The following NAV2 variants were observed in gnomAD, a reference collection of about 807,000 sequenced individuals.
The protein encoded by NAV2 is helicase, APC down-regulated 1.
In NAV2, 54 loss-of-function variants were observed where a neutral mutation model predicts 223.2. That is an observed-to-expected ratio of 0.24 (90% CI 0.19 to 0.30). The LOEUF (loss-of-function observed/expected upper bound fraction) is 0.30, where lower values mean the gene tolerates loss of function less well. NAV2 is among the 10% of genes least tolerant of loss of function. The pLI, the probability that NAV2 is intolerant of heterozygous loss-of-function variation, is 1.00. For missense variants in NAV2, 2,806 were observed against 3,147.5 expected, an observed-to-expected ratio of 0.89 and a Z score of 2.60; for synonymous variants, 1,279 against 1,239.3, an observed-to-expected ratio of 1.03 and a Z score of -0.67.
Position 19,384,980 on chromosome 11 carries a change from C to T in NAV2, c.75+33953C>T, listed in dbSNP as rs193276611. On this transcript the variant is annotated intron_variant, in intron 1 of 37. Transcript: ENST00000360655. ...CACATCCAGAATATATAAAGATTTC[C>T]TAGAAATGCGCAATAAAAAGACAAC... 3 of 152,130 alleles carry T rather than the reference C, an allele frequency of 2.0e-5. No homozygotes were observed. The East Asian group carries it at 5.8e-4, about 29-fold the overall frequency. 9.4% of individuals were successfully genotyped at this position (152,130 alleles called of 1,614,324 possible). A position where few individuals can be genotyped will look rare whatever the true frequency, so the allele number is the denominator to read the frequency against.
intron 1 of NAV2, among the ~76,000 whole-genome samples, chr11:19,544,088 G>A (rs55997720): frequency 0.1 from 15,760 of 152,228 alleles, 1,068 homozygotes; most frequent in African/African-American, 0.19. Flanking sequence ...TCTCAATACT[G>A]TGCCTGGCAC....
intron 16 of NAV2, among the ~76,000 whole-genome samples, 193 bp from the exon 17 acceptor site, chr11:20,051,096 C>T (rs1218283220): frequency 6.6e-6 from 1 of 152,174 alleles, no homozygotes; most frequent in Non-Finnish European, 1.5e-5. Context: ...GGTGTCAGCT[C>T]AGGCTGAGGA....
chr11:19,417,480 C>A (rs982289238), intron 1 of NAV2, among the ~76,000 whole-genome samples: 1 of 152,170 alleles, frequency 6.6e-6, no homozygotes, highest in Non-Finnish European at 1.5e-5. Flanking sequence ...AATAGGAACA[C>A]TTTTACACTG....
chr11:19,680,410 T>A (rs989731445), intron 1 of NAV2, among the ~76,000 whole-genome samples: 1 of 151,790 alleles, frequency 6.6e-6, no homozygotes, highest in East Asian at 1.9e-4. Context: ...CTGTTTATTG[T>A]TTTTAAGGGT....
At chr11:20,026,274 C>T (rs1194686199) in intron 11 of NAV2, among the ~76,000 whole-genome samples, 1 of 152,092 alleles carries the variant, frequency 6.6e-6, no homozygotes, top group African/African-American at 2.4e-5. Flanking sequence ...AGTCCAGAGA[C>T]AGGTGGCTTG....
intron 11 of NAV2, among the ~76,000 whole-genome samples, chr11:19,984,873 G>A (rs17614027): frequency 0.079 from 11,998 of 152,280 alleles, 511 homozygotes; most frequent in Middle Eastern, 0.092. Context: ...CTGACAAACT[G>A]ATTCTATGAC....
rs1339111581 is a variant in NAV2, at chr11:19,776,240, T to C, written c.268-56244T>C. 3.3e-5 allele frequency among the ~76,000 whole-genome samples: 5 copies of C among 152,160 alleles called. 1 individual carries two copies. The East Asian group carries it at 9.7e-4, about 29-fold the overall frequency. ...GGGGAGCTGAAGGATTCTTGAGCCTTTTCAGGATACCGAAAGTTGCTGGGG... is the reference window on the plus strand; with the variant it reads ...GGGGAGCTGAAGGATTCTTGAGCCTCTTCAGGATACCGAAAGTTGCTGGGG... On this transcript the variant is annotated intron_variant, in intron 1 of 37. Transcript: ENST00000349880.
At chr11:19,498,740 T>A (rs2042875870) in intron 1 of NAV2, among the ~76,000 whole-genome samples, 1 of 152,226 alleles carries the variant, frequency 6.6e-6, no homozygotes, top group South Asian at 2.1e-4. Flanking sequence ...ATTGAGCTAC[T>A]ATTGTCTGCT....
intron 29 of NAV2, among the ~76,000 whole-genome samples, chr11:20,094,727 C>T (rs1168682181): frequency 3.3e-5 from 5 of 152,148 alleles, no homozygotes; most frequent in African/African-American, 9.7e-5. Context: ...AATTGAGAAA[C>T]CCGAGACCCC....
intron 12 of NAV2, among the ~76,000 whole-genome samples, chr11:20,037,506 C>G (rs987087408): frequency 2.6e-4 from 39 of 152,156 alleles, no homozygotes; most frequent in African/African-American, 9.2e-4. Flanking sequence ...TCATTTGAGC[C>G]AGACTTTCTG....
At chr11:19,376,982 TA>T (rs2133896872) in intron 1 of NAV2, among the ~76,000 whole-genome samples, 1 of 152,248 alleles carries the variant, frequency 6.6e-6, no homozygotes, top group South Asian at 2.1e-4. Flanking sequence ...CAGAGCTAGC[TA>T]AAAAGGGAAA....
chr11:19,754,385 G>A (rs1048167050), intron 1 of NAV2, among the ~76,000 whole-genome samples: 1 of 152,202 alleles, frequency 6.6e-6, no homozygotes, highest in African/African-American at 2.4e-5. Context: ...GTGGGTAAAG[G>A]CTTCGTGCAG....
chr11:19,454,877 T>C (rs76318886), intron 1 of NAV2, among the ~76,000 whole-genome samples: 6,843 of 152,242 alleles, frequency 0.045, 400 homozygotes, highest in African/African-American at 0.13. Flanking sequence ...GACAAAACTT[T>C]GTGTCTTCAG....
Position 20,048,833 on chromosome 11 carries a change from T to G in NAV2, c.4008T>G (p.Gly1336=). ...SNPHATMTQQ[G]NLDSPSGSGV... ...CTCATGCCACCATGACTCAGCAAGG[T>G]AACCTAGACTCCCCGTCAGGCAGTG... Residue 1336 remains glycine, a synonymous_variant, in exon 15 of 38, where the codon GGT becomes GGG. Coordinates refer to ENST00000349880, the MANE Select transcript of NAV2 (RefSeq NM_145117.5). The G allele has an allele frequency of 3.7e-6, 6 of 1,614,112 alleles. No homozygotes were observed. The highest frequency in any genetic ancestry group is 5.1e-6 in the Non-Finnish European group (6 of 1,180,018).
chr11:19,881,831 A>G (rs2063227857), intron 5 of NAV2, among the ~76,000 whole-genome samples: 1 of 152,208 alleles, frequency 6.6e-6, no homozygotes, highest in Non-Finnish European at 1.5e-5. Flanking sequence ...GTTGATAGAA[A>G]GGTCTCTCTC....
intron 22 of NAV2, among the ~76,000 whole-genome samples, chr11:20,071,106 G>GCCCCC (rs35206561): frequency 5.5e-5 from 7 of 128,368 alleles, no homozygotes; most frequent in African/African-American, 1.8e-4. Flanking sequence ...CCCTCCCCTA[G>GCCCCC]CCCCCCACCC....
chr11:19,778,410 A>T (rs2056460773), intron 1 of NAV2: 1 of 454,842 alleles, frequency 2.2e-6, no homozygotes, highest in South Asian at 1.6e-5. Context: ...ATTGCCTGGC[A>T]TATAAAAAGG....
intron 1 of NAV2, among the ~76,000 whole-genome samples, chr11:19,622,904 G>A (rs573982508): frequency 1.3e-5 from 2 of 152,252 alleles, no homozygotes; most frequent in African/African-American, 2.4e-5. Flanking sequence ...GGTGGGTACC[G>A]GTTGTTCCTT....
Position 19,879,788 on chromosome 11 carries a change from A to G in NAV2, c.512-81A>G, listed in dbSNP as rs577516614. On this transcript the variant is annotated intron_variant, in intron 4 of 37. Transcript: ENST00000349880. Reference sequence around the variant, plus strand: ...AGCCTGTCATATCCTAAAGAAATCAAACTCACGTGCCGACTGAAACAGCCC... The same window carrying G: ...AGCCTGTCATATCCTAAAGAAATCAGACTCACGTGCCGACTGAAACAGCCC... 11 of 1,538,620 alleles carry G rather than the reference A, an allele frequency of 7.1e-6. No individual in the cohort carries two copies. The East Asian group carries it at 2.3e-4, about 31-fold the overall frequency.
Sources: gnomAD v4.1 joint callset for allele counts (sites outside exome capture counted in the v4.1 genomes callset) on GRCh38, gnomAD v4.1.1 for gene constraint, MANE v1.5 for transcripts, NCBI Gene and HGNC (gene_info 2026-07-23, HGNC 2026-07-21) for gene names.